MARCHF1: variants seen among roughly 807,000 people sequenced by gnomAD.
MARCHF1 encodes membrane associated ring-CH-type finger 1.
A neutral mutation model predicts 54.2 loss-of-function variants in MARCHF1; 40 were observed. That is an observed-to-expected ratio of 0.74 (90% CI 0.57 to 0.96). The LOEUF (loss-of-function observed/expected upper bound fraction) is 0.96. Among genes scored for constraint, MARCHF1 ranks in the 40% least tolerant of loss-of-function variants. The pLI is 0.00. For missense variants in MARCHF1, 586 were observed against 656.5 expected (o/e 0.89, Z 1.17); for synonymous variants, 236 against 236.3 (o/e 1.00, Z 0.01).
intron 2 of MARCHF1, among the ~76,000 whole-genome samples, chr4:164,060,496 G>A (rs1323812644): frequency 6.6e-6 from 1 of 152,016 alleles, no homozygotes; most frequent in Admixed American, 6.6e-5. Flanking sequence ...TGTTTTATTT[G>A]TAGTCCTGTA....
chr4:164,199,669 CACACACACACACAGAGAGAGAG>C (rs1418899253), intron 1 of MARCHF1, among the ~76,000 whole-genome samples: 7 of 60,822 alleles, frequency 1.2e-4, no homozygotes, highest in East Asian at 3.2e-4. Context: ...CACACACACA[CACACACACACACAGAGAGAGAG>C]AGAGAGAGAG....
chr4:163,553,857 C>T (rs1045105235), intron 8 of MARCHF1, among the ~76,000 whole-genome samples: 2 of 152,144 alleles, frequency 1.3e-5, no homozygotes, highest in Middle Eastern at 3.2e-3. Flanking sequence ...AGAAAGGTCC[C>T]GCTGTCTCTG....
rs1730907702 is a variant in MARCHF1 at position 164,367,464 on chromosome 4, G to C, written c.-323+16406C>G. Among the ~76,000 whole-genome samples the C allele has an allele frequency of 2.0e-5, 3 of 151,892 alleles. No homozygotes were observed. The South Asian group carries it at 6.2e-4, about 32-fold the overall frequency. On this transcript the variant is annotated intron_variant, in intron 1 of 9. Coordinates refer to ENST00000514618, the MANE Select transcript of MARCHF1 (RefSeq NM_001394959.1). ...AATATTTACCCTTAAAATGTTAATTGGATGAAATATATTAATAGGTCTTCT... is the reference window on the plus strand; with the variant it reads ...AATATTTACCCTTAAAATGTTAATTCGATGAAATATATTAATAGGTCTTCT...
rs565068352 is a variant in MARCHF1, at chr4:164,364,685, A to C, written c.-323+19185T>G. 5.4e-5 allele frequency among the ~76,000 whole-genome samples: 8 copies of C among 149,332 alleles called. No individual in the cohort carries two copies. The South Asian group carries it at 1.7e-3, about 31-fold the overall frequency. On this transcript the variant is annotated intron_variant, in intron 1 of 9. Transcript: ENST00000514618. Reference sequence around the variant, plus strand: ...ATGCCTCTGTAACCTTCTCTTGAACAATTTTCCTTTTTTTTTTTAAATAAA... The same window carrying C: ...ATGCCTCTGTAACCTTCTCTTGAACCATTTTCCTTTTTTTTTTTAAATAAA...
At chr4:163,913,070 A>G (rs2111340116) in intron 3 of MARCHF1, among the ~76,000 whole-genome samples, 1 of 152,336 alleles carries the variant, frequency 6.6e-6, no homozygotes, top group Non-Finnish European at 1.5e-5. Context: ...AACAGTATCC[A>G]AAGAGATTTT....
intron 3 of MARCHF1, among the ~76,000 whole-genome samples, chr4:163,895,351 T>A (rs1311998784): frequency 6.6e-6 from 1 of 152,132 alleles, no homozygotes; most frequent in Non-Finnish European, 1.5e-5. Flanking sequence ...AATAAATAAT[T>A]TTAGCTGCTT....
intron 4 of MARCHF1, among the ~76,000 whole-genome samples, chr4:163,801,477 C>T (rs927897435): frequency 1.3e-5 from 2 of 152,046 alleles, no homozygotes; most frequent in African/African-American, 2.4e-5. Flanking sequence ...TCTAAATACT[C>T]CGGAATGTGC....
intron 2 of MARCHF1, among the ~76,000 whole-genome samples, chr4:164,098,991 T>C (rs1385045372): frequency 6.6e-6 from 1 of 152,228 alleles, no homozygotes; most frequent in Admixed American, 6.5e-5. Context: ...CTTTTGCAGA[T>C]TTATTATTTC....
intron 4 of MARCHF1, among the ~76,000 whole-genome samples, chr4:163,850,389 A>T (rs1249546431): frequency 6.6e-6 from 1 of 151,920 alleles, no homozygotes; most frequent in African/African-American, 2.4e-5. Flanking sequence ...TCCCTCTGTT[A>T]CTCTTCTGTA....
intron 8 of MARCHF1, among the ~76,000 whole-genome samples, chr4:163,548,456 A>T (rs1045204557): frequency 3.3e-5 from 5 of 152,242 alleles, no homozygotes; most frequent in Admixed American, 1.3e-4. Context: ...TCAAATAGAA[A>T]AATATCAGTG....
At chr4:164,014,919 A>C (rs139741505) in intron 2 of MARCHF1, among the ~76,000 whole-genome samples, 177 of 152,308 alleles carry the variant, frequency 1.2e-3, no homozygotes, top group African/African-American at 4.2e-3. Context: ...AGAGATCTCA[A>C]TACCATAATA....
At chr4:163,676,482 C>T (rs1743924904) in intron 5 of MARCHF1, among the ~76,000 whole-genome samples, 1 of 152,058 alleles carries the variant, frequency 6.6e-6, no homozygotes, top group South Asian at 2.1e-4. Flanking sequence ...CATAGTAGGT[C>T]ATGCATGTAA....
At chr4:163,809,068 T>C (rs1033367120) in intron 4 of MARCHF1, among the ~76,000 whole-genome samples, 2 of 152,120 alleles carry the variant, frequency 1.3e-5, no homozygotes, top group African/African-American at 4.8e-5. Context: ...ATCTTTGCAA[T>C]TGATTCCCGG....
chr4:163,820,059 C>A (rs1748648870), intron 4 of MARCHF1, among the ~76,000 whole-genome samples: 2 of 152,056 alleles, frequency 1.3e-5, no homozygotes, highest in Admixed American at 1.3e-4. Flanking sequence ...TGCCTTCTTT[C>A]TTCCATAGCC....
chr4:163,882,186 T>C (rs1437574187), intron 3 of MARCHF1, among the ~76,000 whole-genome samples: 1 of 152,334 alleles, frequency 6.6e-6, no homozygotes, highest in East Asian at 1.9e-4. Flanking sequence ...TTTTAAAAAG[T>C]TCATAATCAT....
intron 1 of MARCHF1, among the ~76,000 whole-genome samples, chr4:164,284,319 T>TGAGAGAGA (rs1221486050): frequency 7.9e-6 from 1 of 126,072 alleles, no homozygotes; most frequent in African/African-American, 3.4e-5. Context: ...CTAAAGAAAG[T>TGAGAGAGA]GAGAGAGAGA....
intron 4 of MARCHF1, among the ~76,000 whole-genome samples, chr4:163,819,800 T>C (rs1418386770): frequency 6.6e-6 from 1 of 152,108 alleles, no homozygotes; most frequent in Admixed American, 6.6e-5. Context: ...TCTACTACAA[T>C]AAAGAGGTTG....
intron 2 of MARCHF1, among the ~76,000 whole-genome samples, chr4:164,029,976 A>C (rs1164079929): frequency 1.3e-5 from 2 of 152,234 alleles, no homozygotes; most frequent in Non-Finnish European, 2.9e-5. Context: ...TCTATCATTC[A>C]TAGATAATTT....
chr4:164,152,641 C>T (rs1729971990), intron 1 of MARCHF1, among the ~76,000 whole-genome samples: 1 of 152,118 alleles, frequency 6.6e-6, no homozygotes, highest in African/African-American at 2.4e-5. Flanking sequence ...TCTTTCCTTC[C>T]CAGATCCAGG....
Sources: allele counts gnomAD v4.1 joint callset (sites outside exome capture counted in the v4.1 genomes callset), GRCh38; gene constraint gnomAD v4.1.1; transcripts MANE v1.5; gene names NCBI Gene and HGNC (gene_info 2026-07-23, HGNC 2026-07-21).